RBFOX1: variants seen among roughly 807,000 people sequenced by gnomAD.
RBFOX1 encodes the protein RNA binding fox-1 homolog 1, also known as RNA binding protein fox-1 homolog 1.
In RBFOX1, 8 loss-of-function variants were observed where a neutral mutation model predicts 57.7. That is an observed-to-expected ratio of 0.14 (90% CI 0.08 to 0.25). The LOEUF (loss-of-function observed/expected upper bound fraction) is 0.25, where lower values mean the gene tolerates loss of function less well. Among genes scored for constraint, RBFOX1 ranks in the 10% least tolerant of loss-of-function variants. The probability of loss-of-function intolerance (pLI) is 1.00; values close to 1 mark genes in which losing one functional copy is unlikely to be tolerated. For synonymous variants in RBFOX1, 326 were observed against 222.4 expected, an observed-to-expected ratio of 1.47 and a Z score of -4.15; for missense variants, 611 against 548.5, an observed-to-expected ratio of 1.11 and a Z score of -1.14.
At chr16:6,160,631 C>A (rs542273945) in intron 1 of RBFOX1, among the ~76,000 whole-genome samples, 1 of 152,194 alleles carries the variant, frequency 6.6e-6, no homozygotes, top group Non-Finnish European at 1.5e-5. Flanking sequence ...TTCCCAGTGG[C>A]TTTATCACAC....
At chr16:6,659,731 G>A (rs747949044) in intron 3 of RBFOX1, among the ~76,000 whole-genome samples, 11 of 152,116 alleles carry the variant, frequency 7.2e-5, no homozygotes, top group Non-Finnish European at 1.6e-4. Flanking sequence ...TTCACAGTGA[G>A]GATTCTTCAC....
chr16:6,899,879 A>G (rs1332464705), intron 3 of RBFOX1, among the ~76,000 whole-genome samples: 1 of 152,184 alleles, frequency 6.6e-6, no homozygotes, highest in Non-Finnish European at 1.5e-5. Flanking sequence ...CCAGGTGTGA[A>G]GTTAACAATG....
chr16:7,011,578 A>G lies in RBFOX1; in HGVS notation c.-15-40479A>G, dbSNP rs558956791. Among the ~76,000 whole-genome samples the G allele has an allele frequency of 7.2e-5, 11 of 152,242 alleles. No homozygotes were observed. In the South Asian group the frequency reaches 2.3e-3, roughly 32 times the overall value. On this transcript the variant is annotated intron_variant, in intron 3 of 15. Coordinates refer to ENST00000550418, the MANE Select transcript of RBFOX1 (RefSeq NM_018723.4). ...GCACAGGCTGGAGTGCAGTGGCATG[A>G]TCTCGGCTCACTGCAAGCTCCGCAT...
At chr16:7,122,693 T>C (rs1337190786) in intron 4 of RBFOX1, among the ~76,000 whole-genome samples, 2 of 152,160 alleles carry the variant, frequency 1.3e-5, no homozygotes, top group African/African-American at 4.8e-5. Context: ...ATGCTTATCA[T>C]AGAGCCTAGC....
chr16:5,536,228 C>CT (rs57061495), intron 2 of RBFOX1, among the ~76,000 whole-genome samples: 2,528 of 103,478 alleles, frequency 0.024, 260 homozygotes, highest in African/African-American at 0.06. Flanking sequence ...AATCTCCTGT[C>CT]TTTTTTTTTT....
chr16:7,621,175 A>T (rs529568825), intron 10 of RBFOX1, among the ~76,000 whole-genome samples: 2 of 152,304 alleles, frequency 1.3e-5, no homozygotes, highest in African/African-American at 4.8e-5. Context: ...TGAAGGACAA[A>T]CATCTTGCAA....
At chr16:7,378,515 C>A (rs935771039) in intron 4 of RBFOX1, among the ~76,000 whole-genome samples, 7 of 151,922 alleles carry the variant, frequency 4.6e-5, no homozygotes, top group Non-Finnish European at 8.8e-5. Flanking sequence ...TGGGTGATTT[C>A]CAACTGGATA....
At chr16:5,895,993 A>T (rs1430563388) in intron 4 of RBFOX1, among the ~76,000 whole-genome samples, 1 of 152,186 alleles carries the variant, frequency 6.6e-6, no homozygotes, top group Non-Finnish European at 1.5e-5. Flanking sequence ...GAAGTACGAC[A>T]AACTTGGTGT....
At chr16:5,913,382 G>C (rs1229896755) in intron 4 of RBFOX1, among the ~76,000 whole-genome samples, 3 of 152,184 alleles carry the variant, frequency 2.0e-5, no homozygotes, top group Non-Finnish European at 4.4e-5. Flanking sequence ...TAGTGAAAGG[G>C]GTTTGGGTGA....
intron 4 of RBFOX1, among the ~76,000 whole-genome samples, chr16:7,246,063 G>A (rs1325072360): frequency 6.6e-6 from 1 of 152,126 alleles, no homozygotes; most frequent in Admixed American, 6.5e-5. Context: ...TTCCACAACT[G>A]TTAAGTATGT....
chr16:6,421,098 G>C (rs1326704676), intron 2 of RBFOX1, among the ~76,000 whole-genome samples: 1 of 152,318 alleles, frequency 6.6e-6, no homozygotes, highest in South Asian at 2.1e-4. Flanking sequence ...CATGAAGGCT[G>C]GATGTGAGCA....
chr16:5,854,962 G>C (rs937771835), intron 3 of RBFOX1, among the ~76,000 whole-genome samples: 1 of 152,036 alleles, frequency 6.6e-6, no homozygotes, highest in Non-Finnish European at 1.5e-5. Flanking sequence ...GATTTGCATT[G>C]CCCCAATAAT....
rs140270789 is a variant in RBFOX1 at position 5,676,504 on chromosome 16, C to T, written c.318+77543C>T. Reference sequence around the variant, plus strand: ...TCAACCTCTCTGAGATTCAGTTTTTCCATGTGCAAAATGCAGATAGCAATG... The same window carrying T: ...TCAACCTCTCTGAGATTCAGTTTTTTCATGTGCAAAATGCAGATAGCAATG... On this transcript the variant is annotated intron_variant, in intron 3 of 19. Transcript: ENST00000641259. Among the ~76,000 whole-genome samples the T allele has an allele frequency of 2.6e-3, 399 of 152,254 alleles. 2 individuals carry two copies. The highest frequency in any genetic ancestry group is 8.0e-3 in the African/African-American group (333 of 41,552).
At chr16:6,239,565 C>T (rs1415277541) in intron 1 of RBFOX1, among the ~76,000 whole-genome samples, 2 of 145,382 alleles carry the variant, frequency 1.4e-5, no homozygotes, top group African/African-American at 2.5e-5. Flanking sequence ...GTGGCACAAC[C>T]TCGGCTTACT....
chr16:6,419,945 GC>G (rs1252284389), intron 2 of RBFOX1, among the ~76,000 whole-genome samples: 8 of 152,044 alleles, frequency 5.3e-5, no homozygotes, highest in Non-Finnish European at 1.0e-4. Context: ...CATGCTGCAG[GC>G]CCCCCCATCC....
At chr16:6,579,761 T>G (rs2153970858) in intron 2 of RBFOX1, among the ~76,000 whole-genome samples, 1 of 152,158 alleles carries the variant, frequency 6.6e-6, no homozygotes, top group South Asian at 2.1e-4. Flanking sequence ...ATTTTTCAAT[T>G]TTTTTGTAGA....
intron 3 of RBFOX1, among the ~76,000 whole-genome samples, chr16:7,051,233 A>G (rs2049957466): frequency 6.6e-6 from 1 of 152,192 alleles, no homozygotes; most frequent in Admixed American, 6.5e-5. Flanking sequence ...TGATGACAGA[A>G]TGACCATATA....
chr16:5,418,465 C>G (rs2067220139), intron 1 of RBFOX1, among the ~76,000 whole-genome samples: 1 of 152,052 alleles, frequency 6.6e-6, no homozygotes, highest in Middle Eastern at 3.4e-3. Flanking sequence ...CAGGAAAGAC[C>G]AAATTATTGG....
At chr16:6,518,132 T>A (rs1174138277) in intron 2 of RBFOX1, among the ~76,000 whole-genome samples, 2 of 152,338 alleles carry the variant, frequency 1.3e-5, no homozygotes, top group South Asian at 2.1e-4. Context: ...AATGTGGATT[T>A]GTTTTTTAGG....
Sources: allele counts gnomAD v4.1 joint callset (sites outside exome capture counted in the v4.1 genomes callset), GRCh38; gene constraint gnomAD v4.1.1; transcripts MANE v1.5; gene names NCBI Gene and HGNC (gene_info 2026-07-23, HGNC 2026-07-21).